Variants in INTS4 observed in about 807,000 individuals in gnomAD.
The protein encoded by INTS4 is integrator complex subunit 4.
Under a neutral mutation model 119.5 loss-of-function variants are expected in INTS4, and 70 were observed. The ratio of observed to expected loss-of-function variants is 0.59; its 90% confidence interval spans 0.48 to 0.71. INTS4 has a LOEUF of 0.71. Among genes scored for constraint, INTS4 ranks in the 30% least tolerant of loss-of-function variants. The pLI is 0.00. For synonymous variants in INTS4, 316 were observed against 419.6 expected (o/e 0.75, Z 3.02); for missense variants, 867 against 1,173.2 (o/e 0.74, Z 3.81).
intron 21 of INTS4, among the ~76,000 whole-genome samples, chr11:77,890,155 A>G (rs1952202096): frequency 6.6e-6 from 1 of 152,244 alleles, no homozygotes; most frequent in Non-Finnish European, 1.5e-5. Flanking sequence ...GAAAAAAACA[A>G]ACAAACAAAC....
intron 18 of INTS4, among the ~76,000 whole-genome samples, chr11:77,897,784 C>T (rs1379382673): frequency 6.6e-6 from 1 of 151,872 alleles, no homozygotes; most frequent in Admixed American, 6.6e-5. Context: ...GGGTTACAGG[C>T]GTTAGCCACC....
At position 77,994,655 on chromosome 11, in the gene INTS4, G is replaced by C; in HGVS notation, c.-12C>G. The C allele has an allele frequency of 6.2e-7, 1 of 1,614,068 alleles. No individual in the cohort carries two copies. Among genetic ancestry groups the C allele is most frequent in the Non-Finnish European group, 8.5e-7 (1 of 1,180,012 alleles). ...AGGTGCGCCGCCATGCCTACCCGCG[G>C]GCCCTCTCAGCTTCCGTACACTAGG... is the stretch of plus-strand genomic sequence containing the variant. On this transcript the variant is annotated 5_prime_UTR_variant, in exon 1 of 23. Coordinates refer to ENST00000534064, the MANE Select transcript of INTS4 (RefSeq NM_033547.4).
chr11:77,875,816 G>A (rs142319896), downstream of INTS4, among the ~76,000 whole-genome samples: 444 of 152,288 alleles, frequency 2.9e-3, 2 homozygotes, highest in African/African-American at 0.01. Context: ...GACAGTCTGA[G>A]GAGCACATTC....
At chr11:77,876,859 A>C, downstream of INTS4, 1 of 631,594 alleles carries the variant, frequency 1.6e-6, no homozygotes, top group Non-Finnish European at 2.9e-6. Flanking sequence ...TTATCTGAAA[A>C]ATATCAGCAT....
At chr11:77,919,069 G>A in intron 14 of INTS4, 91 bp from the exon 15 acceptor site, 1 of 1,366,568 alleles carries the variant, frequency 7.3e-7, no homozygotes, top group Non-Finnish European at 1.0e-6. Flanking sequence ...TTAAAAACGT[G>A]AGCTAAACAA....
In INTS4 at chr11:77,960,256, G is replaced by A. The variant is rs1020805476; in HGVS notation, c.708+85C>T. 24 of 933,678 alleles carry A rather than the reference G, an allele frequency of 2.6e-5. No individual in the cohort carries two copies. In the Admixed American group the frequency reaches 3.0e-4, roughly 12 times the overall value. The allele number at this position is 933,678 out of a possible 1,614,324, so 57.8% of individuals were successfully genotyped here. A position where few individuals can be genotyped will look rare whatever the true frequency, so the allele number is the denominator to read the frequency against. ...CACTATTAACTAGCGAAGTCCTTAC[G>A]TTTTCAAATTCTGAGAACCTGTGTG... On this transcript the variant is annotated intron_variant, in intron 6 of 22. Transcript: ENST00000534064.
chr11:77,895,527 G>GAAAA lies in INTS4; in HGVS notation c.2229-1182_2229-1179dup, dbSNP rs71046921. On this transcript the variant is annotated intron_variant, in intron 18 of 22. Transcript: ENST00000534064. The stretch of plus-strand genomic sequence containing the variant: ...CAACATTCATTCTAATTCTTTTCCT[G>GAAAA]AAAAAAAAAAAAAAAAAAAAAAAAA... 5.6e-4 allele frequency among the ~76,000 whole-genome samples: 22 copies of GAAAA among 39,258 alleles called. 1 individual carries two copies. Among genetic ancestry groups the GAAAA allele is most frequent in the African/African-American group, 2.0e-3 (21 of 10,690 alleles). The allele number at this position is 39,258 out of a possible 152,430, so 25.8% of individuals were successfully genotyped here. A position where few individuals can be genotyped will look rare whatever the true frequency, so the allele number is the denominator to read the frequency against.
chr11:77,924,174 C>A (rs1380135785), intron 12 of INTS4, among the ~76,000 whole-genome samples: 2 of 150,092 alleles, frequency 1.3e-5, no homozygotes, highest in East Asian at 2.0e-4. Context: ...GCAGGGGGAT[C>A]ACCTGAGGTC....
At chr11:77,920,218 T>TACACATATATATACACATATATAC (rs1367925035) in intron 14 of INTS4, among the ~76,000 whole-genome samples, 4 of 110,962 alleles carry the variant, frequency 3.6e-5, no homozygotes, top group Non-Finnish European at 7.1e-5. Context: ...CACATATATA[T>TACACATATATATACACATATATAC]ACACATATAC....
At chr11:77,913,243 A>G (rs1953127990) in intron 15 of INTS4, among the ~76,000 whole-genome samples, 1 of 152,206 alleles carries the variant, frequency 6.6e-6, no homozygotes, top group African/African-American at 2.4e-5. Context: ...ACATTTATAA[A>G]ATTTGATTTA....
At chr11:77,961,892 T>C (rs1011872486) in intron 4 of INTS4, among the ~76,000 whole-genome samples, 7 of 152,240 alleles carry the variant, frequency 4.6e-5, no homozygotes, top group African/African-American at 1.7e-4. Flanking sequence ...ATTTCCAGTC[T>C]TTGGCTATTT....
intron 4 of INTS4, among the ~76,000 whole-genome samples, chr11:77,970,644 C>T (rs1855692886): frequency 6.6e-6 from 1 of 151,526 alleles, no homozygotes; most frequent in Non-Finnish European, 1.5e-5. Context: ...GCCTGGGTAA[C>T]ATGCCAAAAC....
At chr11:77,930,813 C>T (rs1316903038) in intron 10 of INTS4, among the ~76,000 whole-genome samples, 1 of 65,768 alleles carries the variant, frequency 1.5e-5, no homozygotes, top group Non-Finnish European at 2.9e-5. Flanking sequence ...GACCCCATCT[C>T]TATAAAAAAA....
At chr11:77,919,884 T>C (rs1301643406) in intron 14 of INTS4, among the ~76,000 whole-genome samples, 2 of 151,850 alleles carry the variant, frequency 1.3e-5, no homozygotes, top group Non-Finnish European at 2.9e-5. Context: ...TCTTGGCTCA[T>C]TGCAACCTCT....
chr11:77,892,029 T>C (rs1414514098), intron 19 of INTS4, among the ~76,000 whole-genome samples, 189 bp from the exon 20 acceptor site: 2 of 152,226 alleles, frequency 1.3e-5, no homozygotes, highest in Admixed American at 6.5e-5. Context: ...GAAAGGCCTC[T>C]GTTTATTGAT....
At chr11:77,908,841 T>C (rs1953024221) in intron 15 of INTS4, among the ~76,000 whole-genome samples, 1 of 127,386 alleles carries the variant, frequency 7.9e-6, no homozygotes, top group African/African-American at 3.0e-5. Context: ...AAAAACATTA[T>C]TTTTTAAAAG....
At chr11:77,907,160 C>T (rs1353769973) in intron 16 of INTS4, among the ~76,000 whole-genome samples, 1 of 152,082 alleles carries the variant, frequency 6.6e-6, no homozygotes, top group Non-Finnish European at 1.5e-5. Flanking sequence ...TCACTGCAGC[C>T]TTGACCTCCT....
At chr11:77,931,764 A>C (rs1192741380) in intron 10 of INTS4, among the ~76,000 whole-genome samples, 1 of 152,176 alleles carries the variant, frequency 6.6e-6, no homozygotes, top group Non-Finnish European at 1.5e-5. Flanking sequence ...GGAACAGAAT[A>C]GAGGCCTCAG....
intron 10 of INTS4, among the ~76,000 whole-genome samples, chr11:77,930,115 C>T (rs3018411): frequency 0.38 from 58,331 of 151,916 alleles, 11,362 homozygotes; most frequent in African/African-American, 0.42. Flanking sequence ...GAGTAAGACA[C>T]AGAAAATGCT....
Sources: gnomAD v4.1 joint callset for allele counts (sites outside exome capture counted in the v4.1 genomes callset) on GRCh38, gnomAD v4.1.1 for gene constraint, MANE v1.5 for transcripts, NCBI Gene and HGNC (gene_info 2026-07-23, HGNC 2026-07-21) for gene names.